RBFOX1: variants seen among roughly 807,000 people sequenced by gnomAD.
RBFOX1 encodes RNA binding protein fox-1 homolog 1.
A neutral mutation model predicts 57.7 loss-of-function variants in RBFOX1; 8 were observed. The observed-to-expected ratio is 0.14, with a 90% CI of 0.08 to 0.25. The LOEUF (loss-of-function observed/expected upper bound fraction) is 0.25. RBFOX1 is among the 10% of genes least tolerant of loss of function. RBFOX1 has a pLI of 1.00. For synonymous variants in RBFOX1, 326 were observed against 222.4 expected (o/e 1.47, Z -4.15); for missense variants, 611 against 548.5 (o/e 1.11, Z -1.14).
At chr16:6,457,644 G>C (rs750198880) in intron 2 of RBFOX1, among the ~76,000 whole-genome samples, 1 of 152,138 alleles carries the variant, frequency 6.6e-6, no homozygotes, top group Non-Finnish European at 1.5e-5. Context: ...CCCGTTTTAT[G>C]AGCATAGTTG....
chr16:6,214,421 A>T (rs1366379996), intron 1 of RBFOX1, among the ~76,000 whole-genome samples: 1 of 138,390 alleles, frequency 7.2e-6, no homozygotes, highest in Non-Finnish European at 1.6e-5. Flanking sequence ...GAGTGGGGAG[A>T]GGGAGAGAGG....
At chr16:6,241,279 A>C (rs1192016846) in intron 1 of RBFOX1, among the ~76,000 whole-genome samples, 1 of 152,238 alleles carries the variant, frequency 6.6e-6, no homozygotes, top group Admixed American at 6.5e-5. Flanking sequence ...AATCTGGCCT[A>C]TGGATTGCTG....
intron 3 of RBFOX1, among the ~76,000 whole-genome samples, chr16:6,840,685 G>C (rs1419969843): frequency 2.0e-5 from 3 of 151,744 alleles, no homozygotes; most frequent in African/African-American, 7.3e-5. Context: ...TCAACAGATC[G>C]AGACCATCCT....
chr16:5,288,303 G>C (rs1235867169), intron 1 of RBFOX1, among the ~76,000 whole-genome samples: 1 of 152,178 alleles, frequency 6.6e-6, no homozygotes, highest in Non-Finnish European at 1.5e-5. Flanking sequence ...CTGTTAGGAG[G>C]CTGCTGTTCA....
Position 5,240,551 on chromosome 16 carries a change from G to A in RBFOX1, c.219+446G>A, listed in dbSNP as rs1361332002. Reference sequence around the variant, plus strand: ...GCCAAGCCCTGCTCTGCTGGGCTGCGGGCTGGCGGCGCTCACCCAGCTCCT... The same window carrying A: ...GCCAAGCCCTGCTCTGCTGGGCTGCAGGCTGGCGGCGCTCACCCAGCTCCT... On this transcript the variant is annotated intron_variant, in intron 1 of 2. Transcript: ENST00000585867. Among the ~76,000 whole-genome samples, 6 of 152,278 alleles carry A rather than the reference G, an allele frequency of 3.9e-5. No individual in the cohort carries two copies. The South Asian group carries it at 8.3e-4, about 21-fold the overall frequency.
At chr16:6,826,083 A>G (rs1163744571) in intron 3 of RBFOX1, among the ~76,000 whole-genome samples, 1 of 152,084 alleles carries the variant, frequency 6.6e-6, no homozygotes, top group African/African-American at 2.4e-5. Flanking sequence ...TTCATTGCCC[A>G]GGTCTCCCGC....
chr16:7,449,978 G>C (rs574346354), intron 4 of RBFOX1, among the ~76,000 whole-genome samples: 2 of 152,278 alleles, frequency 1.3e-5, no homozygotes, highest in South Asian at 2.1e-4. Context: ...AAACATCAGG[G>C]AGGGAGAAGG....
chr16:7,052,432 C>T (rs999077177), intron 4 of RBFOX1, among the ~76,000 whole-genome samples: 8 of 152,228 alleles, frequency 5.3e-5, no homozygotes, highest in African/African-American at 1.7e-4. Flanking sequence ...GGCTGGCTGC[C>T]TTCTTAATAT....
chr16:5,908,720 G>A (rs188581552), intron 4 of RBFOX1, among the ~76,000 whole-genome samples: 4 of 152,164 alleles, frequency 2.6e-5, no homozygotes, highest in Admixed American at 6.5e-5. Context: ...ATATAAACTC[G>A]TGGGCCCCTG....
intron 3 of RBFOX1, among the ~76,000 whole-genome samples, chr16:5,619,766 T>C (rs1384990968): frequency 6.6e-6 from 1 of 152,180 alleles, no homozygotes; most frequent in African/African-American, 2.4e-5. Flanking sequence ...TTCCCTTCTC[T>C]GTACTTGGGC....
Position 5,764,352 on chromosome 16 carries a change from C to T in RBFOX1, c.319-102951C>T, listed in dbSNP as rs149013525. On this transcript the variant is annotated intron_variant, in intron 3 of 19. Coordinates refer to the RBFOX1 transcript ENST00000641259. ...TTTCCTTGGTGGGGAGGACAGGACTCCTTTCTTCACCAGAAGCTGAGTAGA... is the reference window on the plus strand; with the variant it reads ...TTTCCTTGGTGGGGAGGACAGGACTTCTTTCTTCACCAGAAGCTGAGTAGA... Among the ~76,000 whole-genome samples the T allele has an allele frequency of 7.2e-3, 1,098 of 152,326 alleles. 21 individuals carry two copies. Among genetic ancestry groups the T allele is most frequent in the African/African-American group, 0.023 (967 of 41,582 alleles).
At chr16:7,389,705 G>T (rs562181622) in intron 4 of RBFOX1, among the ~76,000 whole-genome samples, 1 of 152,310 alleles carries the variant, frequency 6.6e-6, no homozygotes, top group Admixed American at 6.5e-5. Flanking sequence ...ATGTACAACA[G>T]CAGTCTTGGT....
chr16:7,408,432 AAC>A (rs2098383013), intron 4 of RBFOX1, among the ~76,000 whole-genome samples: 1 of 152,242 alleles, frequency 6.6e-6, no homozygotes, highest in Non-Finnish European at 1.5e-5. Context: ...GAATGGGAGA[AAC>A]AGTGCATCTC....
At chr16:5,718,982 A>AAC (rs1555508503) in intron 3 of RBFOX1, among the ~76,000 whole-genome samples, 4 of 151,938 alleles carry the variant, frequency 2.6e-5, no homozygotes, top group Non-Finnish European at 5.9e-5. Context: ...TTAAAAAAAA[A>AAC]AAACAATATT....
intron 2 of RBFOX1, among the ~76,000 whole-genome samples, chr16:6,453,796 G>A (rs1168623344): frequency 6.6e-6 from 1 of 152,150 alleles, no homozygotes; most frequent in East Asian, 1.9e-4. Flanking sequence ...GCCTCACTGG[G>A]ACTAGTTACA....
chr16:6,335,166 ACACT>A (rs1296403889), intron 2 of RBFOX1, among the ~76,000 whole-genome samples: 3 of 152,238 alleles, frequency 2.0e-5, no homozygotes, highest in African/African-American at 7.2e-5. Context: ...GTTGCAAATG[ACACT>A]CACACTGGAA....
chr16:6,895,448 G>GTGTGTGTGTGTATATATATA (rs869028735), intron 3 of RBFOX1, among the ~76,000 whole-genome samples: 1 of 54,612 alleles, frequency 1.8e-5, no homozygotes, highest in African/African-American at 8.7e-5. Flanking sequence ...GTGTGTGTGT[G>GTGTGTGTGTGTATATATATA]TATATATATA....
chr16:6,358,953 C>A (rs2087892259), intron 2 of RBFOX1, among the ~76,000 whole-genome samples: 1 of 152,184 alleles, frequency 6.6e-6, no homozygotes, highest in Admixed American at 6.5e-5. Flanking sequence ...TGTTTTCTTG[C>A]TTGTTTATCC....
chr16:7,266,035 C>T (rs1246102626), intron 4 of RBFOX1, among the ~76,000 whole-genome samples: 1 of 133,432 alleles, frequency 7.5e-6, no homozygotes, highest in East Asian at 2.3e-4. Flanking sequence ...AGTGCAGTGG[C>T]GCTATCTTGG....
Sources: gnomAD v4.1 joint callset for allele counts (sites outside exome capture counted in the v4.1 genomes callset) on GRCh38, gnomAD v4.1.1 for gene constraint, MANE v1.5 for transcripts, NCBI Gene and HGNC (gene_info 2026-07-23, HGNC 2026-07-21) for gene names.